NFATC2: variants seen among roughly 807,000 people sequenced by gnomAD.
The protein encoded by NFATC2 is nuclear factor of activated T-cells, cytoplasmic 2.
In NFATC2, 22 loss-of-function variants were observed where a neutral mutation model predicts 87.3. That is an observed-to-expected ratio of 0.25 (90% confidence interval 0.18 to 0.36). The LOEUF (loss-of-function observed/expected upper bound fraction) is 0.36. NFATC2 is among the 10% of genes least tolerant of loss of function. NFATC2 has a pLI of 1.00. For synonymous variants in NFATC2, 565 were observed against 542.2 expected, an observed-to-expected ratio of 1.04 and a Z score of -0.58; for missense variants, 1,149 against 1,259.1, an observed-to-expected ratio of 0.91 and a Z score of 1.32.
chr20:51,452,098 A>G (rs903618547), intron 6 of NFATC2, among the ~76,000 whole-genome samples: 2 of 152,136 alleles, frequency 1.3e-5, no homozygotes, highest in East Asian at 3.9e-4. Flanking sequence ...TGCCTAGAGC[A>G]GACTTTACCT....
At chr20:51,497,743 A>G (rs1199513709) in intron 3 of NFATC2, among the ~76,000 whole-genome samples, 1 of 152,128 alleles carries the variant, frequency 6.6e-6, no homozygotes, top group Non-Finnish European at 1.5e-5. Context: ...CAGGAAGAAG[A>G]TGGGGTGAGA....
At chr20:51,479,757 G>A (rs1049564613) in intron 3 of NFATC2, among the ~76,000 whole-genome samples, 3 of 152,192 alleles carry the variant, frequency 2.0e-5, no homozygotes, top group Non-Finnish European at 4.4e-5. Context: ...ACATTTTACA[G>A]GTGAGGAAAC....
At chr20:51,449,352 C>G (rs1373787835) in intron 6 of NFATC2, among the ~76,000 whole-genome samples, 1 of 152,146 alleles carries the variant, frequency 6.6e-6, no homozygotes, top group African/African-American at 2.4e-5. Flanking sequence ...CGAGCCCCCT[C>G]TCTGCAGAGA....
At chr20:51,507,383 G>A (rs2076202069) in intron 3 of NFATC2, among the ~76,000 whole-genome samples, 2 of 152,128 alleles carry the variant, frequency 1.3e-5, no homozygotes, top group South Asian at 4.1e-4. Flanking sequence ...TCATAGCCTG[G>A]TCTCAGACGT....
intron 9 of NFATC2, among the ~76,000 whole-genome samples, chr20:51,400,860 G>A (rs920028368): frequency 3.3e-5 from 5 of 151,948 alleles, no homozygotes; most frequent in African/African-American, 1.2e-4. Context: ...GCATTGGGTA[G>A]AGACCAGATG....
intron 9 of NFATC2, among the ~76,000 whole-genome samples, chr20:51,400,078 T>TCACAGCC (rs528380500): frequency 2.6e-5 from 4 of 151,428 alleles, no homozygotes; most frequent in African/African-American, 4.8e-5. Flanking sequence ...GACTCCTTGT[T>TCACAGCC]CACAGCCCAC....
At chr20:51,406,784 C>T (rs1156750148) in intron 9 of NFATC2, among the ~76,000 whole-genome samples, 1 of 152,216 alleles carries the variant, frequency 6.6e-6, no homozygotes, top group Non-Finnish European at 1.5e-5. Context: ...ATCTTAGCTC[C>T]ATAGCGGCGC....
intron 6 of NFATC2, among the ~76,000 whole-genome samples, chr20:51,449,548 G>A (rs139371315): frequency 1.3e-5 from 2 of 152,324 alleles, no homozygotes; most frequent in East Asian, 3.9e-4. Context: ...TCAGAGCGGT[G>A]CAGTGGTTAA....
chr20:51,561,732 C>T (rs746648393), intron 1 of NFATC2, among the ~76,000 whole-genome samples: 8 of 152,160 alleles, frequency 5.3e-5, no homozygotes, highest in Non-Finnish European at 1.0e-4. Context: ...CAGCCCCCAA[C>T]GCAGTGCTCC....
chr20:51,418,713 A>T (rs1600692922), intron 9 of NFATC2, among the ~76,000 whole-genome samples: 1 of 128,806 alleles, frequency 7.8e-6, no homozygotes, highest in African/African-American at 3.1e-5. Flanking sequence ...CCCAGGCTGG[A>T]GTGCAGTGGT....
At chr20:51,427,463 G>T (rs924202697) in intron 9 of NFATC2, among the ~76,000 whole-genome samples, 1 of 152,204 alleles carries the variant, frequency 6.6e-6, no homozygotes, top group Non-Finnish European at 1.5e-5. Flanking sequence ...GACAGGGCCT[G>T]CGGGGCACAC....
At chr20:51,436,574 G>A (rs867235225) in intron 6 of NFATC2, among the ~76,000 whole-genome samples, 8 of 151,958 alleles carry the variant, frequency 5.3e-5, no homozygotes, top group Non-Finnish European at 7.4e-5. Context: ...AATTAGCCAG[G>A]TGTGGTTGCA....
intron 3 of NFATC2, among the ~76,000 whole-genome samples, chr20:51,492,852 G>A (rs1187490893): frequency 6.6e-6 from 1 of 152,270 alleles, no homozygotes; most frequent in Non-Finnish European, 1.5e-5. Flanking sequence ...GCCGGGGCTG[G>A]GCCTGTCAAG....
Position 51,523,808 on chromosome 20 carries a change from C to G in NFATC2, c.433G>C (p.Val145Leu). The change falls in exon 2 of 11, where the codon GTG (valine) becomes CTG (leucine). Residue 145 changes from valine to leucine, a missense_variant. Transcript: ENST00000371564. This position sits in a 1 kb window ranked among gnomAD's most constrained non-coding sequence, Gnocchi z 6.9. ...LLVEQPPLAG[V>L]AASPRFTLPV... ...AGGGTGAACCTCGGGCTGGCGGCCA[C>G]CCCGGCCAGGGGCGGCTGCTCCACC... The G allele has an allele frequency of 6.2e-7, 1 of 1,609,572 alleles. No homozygotes were observed. The highest frequency in any genetic ancestry group is 8.5e-7 in the Non-Finnish European group (1 of 1,177,926).
chr20:51,433,433 C>T (rs1198083631), intron 8 of NFATC2, among the ~76,000 whole-genome samples: 2 of 152,296 alleles, frequency 1.3e-5, no homozygotes, highest in South Asian at 4.1e-4. Flanking sequence ...CCTACCCCCA[C>T]GAGATCACTG....
chr20:51,490,375 T>C (rs2075862042), intron 3 of NFATC2, among the ~76,000 whole-genome samples: 1 of 152,190 alleles, frequency 6.6e-6, no homozygotes, highest in Admixed American at 6.5e-5. Context: ...CCCATTCTCT[T>C]GACAACTATA....
chr20:51,435,896 CGTGT>C, intron 6 of NFATC2, 135 bp from the exon 7 acceptor site: 4 of 699,774 alleles, frequency 5.7e-6, no homozygotes, highest in Non-Finnish European at 1.0e-5. Flanking sequence ...AATATGTGCA[CGTGT>C]GTGTACATAT....
At chr20:51,512,714 T>C (rs1457088363) in intron 3 of NFATC2, among the ~76,000 whole-genome samples, 1 of 152,066 alleles carries the variant, frequency 6.6e-6, no homozygotes, top group East Asian at 1.9e-4. Flanking sequence ...TTAAAACCAC[T>C]AGGCATGAAA....
Position 51,432,703 on chromosome 20 carries a change from T to TGCAGATCAGAGTGGGGTC in NFATC2, c.2068_2085dup (p.Asp690_Cys695dup), listed in dbSNP as rs773174547. ...CTCCCCAGGCCTCCATGGGTGGGGCTGCAGATCAGAGTGGGGTCATATTCA... is the reference window on the plus strand; with the variant it reads ...CTCCCCAGGCCTCCATGGGTGGGGCTGCAGATCAGAGTGGGGTCGCAGATCAGAGTGGGGTCATATTCA... On this transcript the variant is annotated inframe_insertion, in exon 9 of 11. Coordinates refer to ENST00000371564, the MANE Select transcript of NFATC2 (RefSeq NM_012340.5). This position sits in a 1 kb window ranked among gnomAD's most constrained non-coding sequence, Gnocchi z 4.6. The TGCAGATCAGAGTGGGGTC allele has an allele frequency of 6.3e-7, 1 of 1,584,884 alleles. No individual in the cohort carries two copies. The highest frequency in any genetic ancestry group is 2.2e-5 in the East Asian group (1 of 44,684).
Sources: allele counts gnomAD v4.1 joint callset (sites outside exome capture counted in the v4.1 genomes callset), GRCh38; gene constraint gnomAD v4.1.1; non-coding constraint Gnocchi (gnomAD v3.1); transcripts MANE v1.5; gene names NCBI Gene and HGNC (gene_info 2026-07-23, HGNC 2026-07-21).